PRKCE: variants seen among roughly 807,000 people sequenced by gnomAD.
The protein encoded by PRKCE is protein kinase C epsilon type.
PRKCE carries 16 observed loss-of-function variants against 85.4 expected under a neutral mutation model. The observed-to-expected ratio is 0.19, with a 90% CI of 0.13 to 0.28. The LOEUF is 0.28. Ranked by LOEUF, PRKCE falls within the 10% of genes least tolerant of loss-of-function variation. The pLI is 1.00. For synonymous variants in PRKCE, 388 were observed against 371.5 expected, an observed-to-expected ratio of 1.04 and a Z score of -0.51; for missense variants, 573 against 975.2, an observed-to-expected ratio of 0.59 and a Z score of 5.49.
At position 45,788,453 on chromosome 2, in the gene PRKCE, C is replaced by T. The variant is rs1037511249; in HGVS notation, c.349-54547C>T. On this transcript the variant is annotated intron_variant, in intron 1 of 14. Coordinates refer to ENST00000306156, the MANE Select transcript of PRKCE (RefSeq NM_005400.3). ...GAGAATCCTGACTCCAGTGTTTTTA[C>T]GTGCAGTGTCTACTTACTTCAGTTT... Among the ~76,000 whole-genome samples the T allele has an allele frequency of 4.6e-5, 7 of 152,306 alleles. No individual in the cohort carries two copies. The South Asian group carries it at 6.2e-4, about 14-fold the overall frequency.
intron 1 of PRKCE, among the ~76,000 whole-genome samples, chr2:45,718,647 C>G (rs1680360056): frequency 6.6e-6 from 1 of 152,002 alleles, no homozygotes; most frequent in South Asian, 2.1e-4. Context: ...CAGCCAAGAA[C>G]AATTGTTATA....
intron 11 of PRKCE, among the ~76,000 whole-genome samples, chr2:46,132,268 C>A (rs1224361595): frequency 6.6e-6 from 1 of 152,194 alleles, no homozygotes; most frequent in Non-Finnish European, 1.5e-5. Context: ...TCTTGTCACA[C>A]TGTATGTGAT....
At chr2:45,936,529 C>T (rs1385854720) in intron 2 of PRKCE, among the ~76,000 whole-genome samples, 2 of 152,098 alleles carry the variant, frequency 1.3e-5, no homozygotes, top group Non-Finnish European at 2.9e-5. Context: ...AGGAAGCCAG[C>T]GGGAGGCCCG....
intron 1 of PRKCE, among the ~76,000 whole-genome samples, chr2:45,680,277 G>C (rs528938875): frequency 1.3e-5 from 2 of 152,348 alleles, no homozygotes; most frequent in African/African-American, 4.8e-5. Flanking sequence ...CAGCAAGACT[G>C]GTTCTTGCCA....
chr2:46,014,942 A>T (rs1275995396), intron 10 of PRKCE, among the ~76,000 whole-genome samples: 1 of 152,220 alleles, frequency 6.6e-6, no homozygotes, highest in Non-Finnish European at 1.5e-5. Flanking sequence ...TACTTCTTCC[A>T]AGGAAATGAT....
chr2:45,817,399 A>G (rs1689147967), intron 1 of PRKCE, among the ~76,000 whole-genome samples: 2 of 152,158 alleles, frequency 1.3e-5, no homozygotes, highest in South Asian at 4.1e-4. Flanking sequence ...TACTTTCTTT[A>G]AAAAAACTTT....
chr2:45,730,719 C>T (rs1266080494), intron 1 of PRKCE, among the ~76,000 whole-genome samples: 1 of 152,028 alleles, frequency 6.6e-6, no homozygotes, highest in Non-Finnish European at 1.5e-5. Flanking sequence ...CTCAGCCTCC[C>T]AAAGTGCTAG....
At chr2:45,969,173 C>T (rs961350711) in intron 2 of PRKCE, among the ~76,000 whole-genome samples, 54 of 151,736 alleles carry the variant, frequency 3.6e-4, no homozygotes, top group Admixed American at 5.3e-4. Flanking sequence ...CTTCAGAGGA[C>T]GTCTCTGCTT....
chr2:45,885,002 T>TTTTTTTTTTGTTG lies in PRKCE; in HGVS notation c.412+41941_412+41942insTTTTTTTGTTGTT, dbSNP rs375477829. ...ATATATATATATATATATATATATA[T>TTTTTTTTTTGTTG]TTGTTGTTGTTGTTGTTGTTTTACC... On this transcript the variant is annotated intron_variant, in intron 2 of 14. Transcript: ENST00000306156. Among the ~76,000 whole-genome samples the TTTTTTTTTTGTTG allele has an allele frequency of 6.3e-4, 62 of 97,666 alleles. 4 individuals are homozygous for TTTTTTTTTTGTTG. Among genetic ancestry groups the TTTTTTTTTTGTTG allele is most frequent in the Non-Finnish European group, 1.2e-3 (56 of 47,616 alleles). 64.1% of individuals were successfully genotyped at this position (97,666 alleles called of 152,430 possible). A position where few individuals can be genotyped will look rare whatever the true frequency, so the allele number is the denominator to read the frequency against.
chr2:46,036,595 T>C (rs1428365757), intron 10 of PRKCE, among the ~76,000 whole-genome samples: 1 of 151,816 alleles, frequency 6.6e-6, no homozygotes, highest in African/African-American at 2.4e-5. Flanking sequence ...GTCTCAAAAA[T>C]AAGCTTGGGT....
At chr2:46,010,289 T>A in intron 9 of PRKCE, 55 bp from the exon 10 acceptor site, 5 of 1,497,718 alleles carry the variant, frequency 3.3e-6, no homozygotes, top group Non-Finnish European at 4.4e-6. Context: ...AGCTTACACT[T>A]CTTCTTTTTA....
At chr2:45,924,438 AG>A (rs761344583) in intron 2 of PRKCE, among the ~76,000 whole-genome samples, 44 of 152,322 alleles carry the variant, frequency 2.9e-4, no homozygotes, top group Admixed American at 7.2e-4. Context: ...ATGGGTGGAA[AG>A]GAAGCATTCT....
chr2:45,891,082 T>G (rs13403468), intron 2 of PRKCE, among the ~76,000 whole-genome samples: 1,971 of 152,304 alleles, frequency 0.013, 40 homozygotes, highest in African/African-American at 0.045. Context: ...GGTTTGATAT[T>G]GTGGTTAGTC....
intron 1 of PRKCE, among the ~76,000 whole-genome samples, chr2:45,663,312 A>G (rs1011819655): frequency 3.9e-5 from 6 of 152,230 alleles, no homozygotes; most frequent in African/African-American, 1.4e-4. Context: ...GGCCATTCGG[A>G]AAATCAAGAT....
chr2:46,055,406 C>G (rs527506929), intron 10 of PRKCE, among the ~76,000 whole-genome samples: 1 of 152,206 alleles, frequency 6.6e-6, no homozygotes. Context: ...TTCTAGCGCC[C>G]GTGAACTCTA....
At chr2:45,855,004 T>C (rs1348601956) in intron 2 of PRKCE, among the ~76,000 whole-genome samples, 1 of 152,220 alleles carries the variant, frequency 6.6e-6, no homozygotes, top group Non-Finnish European at 1.5e-5. Context: ...GCTCTCCATC[T>C]CTGGAGGTAT....
chr2:45,744,500 T>TTTCTTTCTTTCTTTC (rs1553397741), intron 1 of PRKCE, among the ~76,000 whole-genome samples: 100 of 84,700 alleles, frequency 1.2e-3, no homozygotes, highest in African/African-American at 4.9e-3. Context: ...TCTTTCTTTC[T>TTTCTTTCTTTCTTTC]TTTCTTTCTT....
intron 2 of PRKCE, among the ~76,000 whole-genome samples, chr2:45,850,316 G>A (rs1354528239): frequency 9.9e-5 from 15 of 152,186 alleles, no homozygotes; most frequent in Admixed American, 9.2e-4. Flanking sequence ...TGGAAAGGTG[G>A]ATTTCTAATA....
intron 2 of PRKCE, among the ~76,000 whole-genome samples, chr2:45,923,791 C>A (rs746588059): frequency 1.6e-4 from 25 of 151,910 alleles, no homozygotes; most frequent in Admixed American, 2.0e-4. Flanking sequence ...TGGAGGGTGG[C>A]TTTCTAGGAG....
Sources: allele counts gnomAD v4.1 joint callset (sites outside exome capture counted in the v4.1 genomes callset), GRCh38; gene constraint gnomAD v4.1.1; transcripts MANE v1.5; gene names NCBI Gene and HGNC (gene_info 2026-07-23, HGNC 2026-07-21).